The following ALX4 variants were observed in gnomAD, a reference collection of about 807,000 sequenced individuals.
ALX4 encodes the protein homeobox protein aristaless-like 4.
In ALX4, 22 loss-of-function variants were observed where a neutral mutation model predicts 40.6. That is an observed-to-expected ratio of 0.54 (90% confidence interval 0.39 to 0.77). The LOEUF (loss-of-function observed/expected upper bound fraction) is 0.77, where lower values mean the gene tolerates loss of function less well. Among genes scored for constraint, ALX4 ranks in the 30% least tolerant of loss-of-function variants. ALX4 has a pLI of 0.00. For missense variants in ALX4, 556 were observed against 564.8 expected (o/e 0.98, Z 0.16); for synonymous variants, 266 against 240.5 (o/e 1.11, Z -0.98).
Position 44,275,415 on chromosome 11 carries a change from T to C in ALX4, c.710A>G (p.His237Arg). ...TTCCCGCGCATACACGTCTGGGTAG[T>C]GGGTCTTCTGGAAGACCTTCTCCAG... is the stretch of plus-strand genomic sequence containing the variant. ...EELEKVFQKT[H>R]YPDVYAREQL... Residue 237 changes from histidine to arginine, a missense_variant, in exon 2 of 4, where the codon CAC (histidine) becomes CGC (arginine). By Grantham distance (29) the His-to-Arg change is conservative. Coordinates refer to ENST00000652299, the MANE Select transcript of ALX4 (RefSeq NM_021926.4). 6.2e-7 allele frequency: 1 copy of C among 1,614,196 alleles called. No individual in the cohort carries two copies. The highest frequency in any genetic ancestry group is 8.5e-7 in the Non-Finnish European group (1 of 1,180,028).
intron 2 of ALX4, among the ~76,000 whole-genome samples, chr11:44,270,935 G>T (rs1435110934): frequency 6.6e-6 from 1 of 152,230 alleles, no homozygotes; most frequent in African/African-American, 2.4e-5. Flanking sequence ...GACACCAGCT[G>T]CAGAGATTGG....
chr11:44,267,383 G>A, intron 3 of ALX4, 111 bp downstream of exon 3: 3 of 1,437,876 alleles, frequency 2.1e-6, no homozygotes, highest in Admixed American at 1.9e-5. Context: ...AGACGGAAGG[G>A]CAGCCTGGAG....
In ALX4 at chr11:44,279,059, G is replaced by T. The variant is rs1956294167; in HGVS notation, c.467-3401C>A. Among the ~76,000 whole-genome samples, 4 of 152,174 alleles carry T rather than the reference G, an allele frequency of 2.6e-5. No individual in the cohort carries two copies. The South Asian group carries it at 8.3e-4, about 31-fold the overall frequency. ...AACAAGCACAGCCCTCTCAGAGTCT[G>T]AGTCCTAAGACCCCAAGCTCAGGCT... On this transcript the variant is annotated intron_variant, in intron 1 of 3. Coordinates refer to ENST00000652299, the MANE Select transcript of ALX4 (RefSeq NM_021926.4).
intron 1 of ALX4, among the ~76,000 whole-genome samples, chr11:44,294,765 A>G (rs1057237265): frequency 6.6e-5 from 10 of 152,210 alleles, no homozygotes; most frequent in African/African-American, 2.4e-4. Flanking sequence ...AATCTTATCA[A>G]TCATAACAGC....
chr11:44,299,250 C>G (rs925057054), intron 1 of ALX4, among the ~76,000 whole-genome samples: 5 of 152,088 alleles, frequency 3.3e-5, no homozygotes, highest in African/African-American at 9.6e-5. Flanking sequence ...GTCACAGAGT[C>G]AGGTGTAGAA....
chr11:44,309,422 GAGACAGAAC>G (rs1956491903), intron 1 of ALX4, among the ~76,000 whole-genome samples, 166 bp downstream of exon 1: 1 of 152,214 alleles, frequency 6.6e-6, no homozygotes, highest in Non-Finnish European at 1.5e-5. Flanking sequence ...GGACAAGAAG[GAGACAGAAC>G]AGATCCCTTG....
intron 1 of ALX4, among the ~76,000 whole-genome samples, chr11:44,293,437 A>AT (rs1237505747): frequency 6.6e-6 from 1 of 151,880 alleles, no homozygotes; most frequent in African/African-American, 2.4e-5. Context: ...AAATATATAT[A>AT]TAATGCATGG....
chr11:44,276,311 T>C (rs1430029913), intron 1 of ALX4, among the ~76,000 whole-genome samples: 1 of 152,206 alleles, frequency 6.6e-6, no homozygotes, highest in Non-Finnish European at 1.5e-5. Flanking sequence ...TGGGGGTGCA[T>C]GGGATTGAGG....
chr11:44,306,272 G>C (rs918321886), intron 1 of ALX4, among the ~76,000 whole-genome samples: 10 of 152,238 alleles, frequency 6.6e-5, no homozygotes, highest in Non-Finnish European at 1.5e-4. Flanking sequence ...CCCAAGTTGG[G>C]GTAGGGACGC....
intron 2 of ALX4, among the ~76,000 whole-genome samples, chr11:44,272,728 G>C (rs1003650797): frequency 2.0e-5 from 3 of 151,910 alleles, no homozygotes; most frequent in Admixed American, 2.0e-4. Flanking sequence ...AGAATCGCTT[G>C]AACCCAGGAG....
chr11:44,273,321 C>T lies in ALX4; in HGVS notation c.777+2027G>A, dbSNP rs190421381. On this transcript the variant is annotated intron_variant, in intron 2 of 3. Coordinates refer to ENST00000652299, the MANE Select transcript of ALX4 (RefSeq NM_021926.4). ...TCCAACATGCTTTGGGTTGGAAAAGCGGACTGATTATGACATTTATTTTGT... is the reference window on the plus strand; with the variant it reads ...TCCAACATGCTTTGGGTTGGAAAAGTGGACTGATTATGACATTTATTTTGT... 6.7e-4 allele frequency among the ~76,000 whole-genome samples: 102 copies of T among 152,020 alleles called. No individual in the cohort carries two copies. The South Asian group carries it at 0.013, about 19-fold the overall frequency.
chr11:44,300,234 A>G (rs1219934393), intron 1 of ALX4, among the ~76,000 whole-genome samples: 1 of 152,200 alleles, frequency 6.6e-6, no homozygotes, highest in Non-Finnish European at 1.5e-5. Flanking sequence ...TGAATATCAC[A>G]GAACCCCAAG....
intron 1 of ALX4, among the ~76,000 whole-genome samples, chr11:44,293,465 G>T (rs549402459): frequency 1.3e-5 from 2 of 152,220 alleles, no homozygotes; most frequent in East Asian, 3.9e-4. Context: ...CTTCTACCAA[G>T]CAAACCTTAA....
chr11:44,266,842 T>C (rs1453170295), intron 3 of ALX4, among the ~76,000 whole-genome samples: 1 of 152,060 alleles, frequency 6.6e-6, no homozygotes, highest in East Asian at 1.9e-4. Context: ...CTAGGGAAAA[T>C]GCTCTGGGGG....
At position 44,301,473 on chromosome 11, in the gene ALX4, TAG is replaced by T. The variant is rs1282179066; in HGVS notation, c.466+8122_466+8123del. On this transcript the variant is annotated intron_variant, in intron 1 of 3. Coordinates refer to ENST00000652299, the MANE Select transcript of ALX4 (RefSeq NM_021926.4). ...GAGTCCCAGCCTGGTGGGGCTGCATTAGAGTCAGGTCCCTGCAATCCCACCAG... is the reference window on the plus strand; with the variant it reads ...GAGTCCCAGCCTGGTGGGGCTGCATTAGTCAGGTCCCTGCAATCCCACCAG... Among the ~76,000 whole-genome samples, 7 of 152,250 alleles carry T rather than the reference TAG, an allele frequency of 4.6e-5. No homozygotes were observed. The East Asian group carries it at 1.4e-3, about 29-fold the overall frequency.
Position 44,309,622 on chromosome 11 carries a change from G to T in ALX4, c.441C>A (p.Ser147Arg). The change falls in exon 1 of 4, where the codon AGC (serine) becomes AGA (arginine). Residue 147 changes from serine (S) to arginine (R), a missense_variant. Coordinates refer to ENST00000652299, the MANE Select transcript of ALX4 (RefSeq NM_021926.4). ...LKLQEGSSGH[S>R]AALQVPCYAK... ...CGTAGCAGGGAACCTGCAAGGCCGC[G>T]CTGTGGCCGCTGCTGCCTTCCTGGA... The T allele has an allele frequency of 6.3e-7, 1 of 1,588,850 alleles. No homozygotes were observed. The highest frequency in any genetic ancestry group is 8.5e-7 in the Non-Finnish European group (1 of 1,175,304).
intron 1 of ALX4, among the ~76,000 whole-genome samples, chr11:44,292,533 AG>A (rs1226082519): frequency 8.5e-5 from 13 of 152,144 alleles, no homozygotes; most frequent in Middle Eastern, 6.8e-3. Context: ...TTTGTACTTT[AG>A]GAAAGTCATC....
In ALX4 at chr11:44,309,737, T is replaced by TGCCGCG; in HGVS notation, c.325_326insCGCGGC (p.Gln108_Gln109insProArg). The TGCCGCG allele has an allele frequency of 6.4e-7, 1 of 1,555,108 alleles. No individual in the cohort carries two copies. The highest frequency in any genetic ancestry group is 2.4e-5 in the East Asian group (1 of 41,386). ...GGGCGGCTGGGGCTGCGGCTGCTGCTGCTGCGGCTGCGGCTGCGGCGGCGG... is the reference window on the plus strand; with the variant it reads ...GGGCGGCTGGGGCTGCGGCTGCTGCTGCCGCGGCTGCGGCTGCGGCTGCGGCGGCGG... On this transcript the variant is annotated inframe_insertion, in exon 1 of 4. Transcript: ENST00000652299.
At chr11:44,274,212 G>T (rs944124955) in intron 2 of ALX4, among the ~76,000 whole-genome samples, 3 of 152,200 alleles carry the variant, frequency 2.0e-5, no homozygotes, top group African/African-American at 4.8e-5. Context: ...AAGGTGAGCT[G>T]GTTTGCTTCT....
Sources: gnomAD v4.1 joint callset for allele counts (sites outside exome capture counted in the v4.1 genomes callset) on GRCh38, gnomAD v4.1.1 for gene constraint, MANE v1.5 for transcripts, NCBI Gene and HGNC (gene_info 2026-07-23, HGNC 2026-07-21) for gene names.